TRIM49: variants seen among roughly 807,000 people sequenced by gnomAD.
The protein encoded by TRIM49 is tripartite motif containing 49, also known as tripartite motif-containing protein 49.
Under a neutral mutation model 27.4 loss-of-function variants are expected in TRIM49, and 5 were observed. The ratio of observed to expected loss-of-function variants is 0.18; its 90% confidence interval spans 0.10 to 0.38. TRIM49 has a LOEUF of 0.38. Ranked by LOEUF, TRIM49 falls within the 10% of genes least tolerant of loss-of-function variation. TRIM49 has a pLI of 1.00. For synonymous variants in TRIM49, 69 were observed against 166.0 expected (o/e 0.42, Z 4.49); for missense variants, 188 against 487.5 (o/e 0.39, Z 5.79).
the TRIM49 span, among the ~76,000 whole-genome samples, chr11:89,770,023 T>G: frequency 7.4e-6 from 1 of 134,294 alleles, no homozygotes; most frequent in Non-Finnish European, 1.5e-5. Context: ...ACAAGGAGAA[T>G]GAGGGATGAT....
chr11:89,790,431 G>C, the TRIM49 span, among the ~76,000 whole-genome samples: 1 of 151,234 alleles, frequency 6.6e-6, no homozygotes, highest in Admixed American at 6.6e-5. Context: ...CACAGAGTTT[G>C]AGATCTGAGA....
the TRIM49 span, among the ~76,000 whole-genome samples, chr11:89,770,831 A>G: frequency 6.9e-6 from 1 of 144,076 alleles, no homozygotes; most frequent in Non-Finnish European, 1.5e-5. Flanking sequence ...GCGCCACTGC[A>G]CTCCAGCCTG....
At chr11:89,806,095 T>C (rs1262696286) in intron 2 of TRIM49, among the ~76,000 whole-genome samples, 20 of 149,726 alleles carry the variant, frequency 1.3e-4, no homozygotes. Flanking sequence ...ACCTATGGTA[T>C]ACACTATAGC....
chr11:89,798,697 C>G, intron 7 of TRIM49, 68 bp from the exon 8 acceptor site: 1 of 1,391,472 alleles, frequency 7.2e-7, no homozygotes, highest in East Asian at 2.8e-5. Flanking sequence ...ATTGTTCTAT[C>G]AAGAAGTTAC....
At chr11:89,799,932 A>T in intron 6 of TRIM49, 119 bp from the exon 7 acceptor site, 2 of 1,259,534 alleles carry the variant, frequency 1.6e-6, no homozygotes, top group Non-Finnish European at 2.2e-6. Context: ...ATAATTCAAA[A>T]ATTAATCCTT....
At chr11:89,792,639 T>A in the TRIM49 span, among the ~76,000 whole-genome samples, 3 of 152,226 alleles carry the variant, frequency 2.0e-5, no homozygotes, top group Admixed American at 6.5e-5. Flanking sequence ...TGCTCCTGAA[T>A]GACTACCGGG....
downstream of TRIM49, among the ~76,000 whole-genome samples, chr11:89,794,576 T>A (rs1322002017): frequency 1.3e-5 from 2 of 150,118 alleles, no homozygotes; most frequent in Admixed American, 1.3e-4. Context: ...CCCTCAGAAA[T>A]AATGCCACAT....
In TRIM49 at chr11:89,807,721, A is replaced by C. The variant is rs66489364; in HGVS notation, c.-190-437T>G. Among the ~76,000 whole-genome samples the C allele has an allele frequency of 1.3e-3, 191 of 150,744 alleles. 3 individuals carry two copies. Among genetic ancestry groups the C allele is most frequent in the East Asian group, 4.3e-3 (22 of 5,102 alleles). The stretch of plus-strand genomic sequence containing the variant: ...TTTTTTTTGTTGAAATTTTTGGTAA[A>C]GTCAGTGTATGACTCTGTAGCCCAT... On this transcript the variant is annotated intron_variant, in intron 1 of 7. Coordinates refer to ENST00000329758, the MANE Select transcript of TRIM49 (RefSeq NM_020358.2).
intron 2 of TRIM49, among the ~76,000 whole-genome samples, chr11:89,806,003 C>T (rs555896984): frequency 4.0e-5 from 6 of 150,956 alleles, no homozygotes; most frequent in South Asian, 2.1e-4. Flanking sequence ...TCTAGGCACG[C>T]GCCACAGTGC....
chr11:89,793,121 A>G (rs1479531055), downstream of TRIM49, among the ~76,000 whole-genome samples: 1 of 152,072 alleles, frequency 6.6e-6, no homozygotes, highest in Non-Finnish European at 1.5e-5. Flanking sequence ...AAACACCTCT[A>G]TGCAAATAAA....
chr11:89,766,733 C>T, the TRIM49 span: 32 of 1,531,314 alleles, frequency 2.1e-5, 4 homozygotes, highest in Non-Finnish European at 2.6e-5. Context: ...CAACTCGGCC[C>T]AGAGGTTTCT....
At chr11:89,767,646 TG>T in the TRIM49 span, among the ~76,000 whole-genome samples, 1 of 125,298 alleles carries the variant, frequency 8.0e-6, no homozygotes, top group Non-Finnish European at 1.5e-5. Flanking sequence ...TGATCTATCC[TG>T]GAGTTCTATC....
chr11:89,768,552 G>T, the TRIM49 span, among the ~76,000 whole-genome samples: 1 of 135,556 alleles, frequency 7.4e-6, no homozygotes, highest in Non-Finnish European at 1.5e-5. Flanking sequence ...AGAGGCAATT[G>T]TATTCTAGCA....
chr11:89,782,128 C>T, the TRIM49 span: 24 of 1,551,260 alleles, frequency 1.5e-5, no homozygotes, highest in Middle Eastern at 3.3e-4. Context: ...ATACCAATAT[C>T]GTTATTGATT....
chr11:89,772,792 AT>A, the TRIM49 span, among the ~76,000 whole-genome samples: 1 of 131,470 alleles, frequency 7.6e-6, no homozygotes, highest in Non-Finnish European at 1.5e-5. Flanking sequence ...TGTGAATTCT[AT>A]TAATCTTTTT....
chr11:89,784,624 CT>C, the TRIM49 span, among the ~76,000 whole-genome samples: 3 of 140,202 alleles, frequency 2.1e-5, 1 homozygote, highest in Non-Finnish European at 4.5e-5. Context: ...CCCAGCACTC[CT>C]TTTTTTGATT....
At chr11:89,777,731 A>G in the TRIM49 span, among the ~76,000 whole-genome samples, 1 of 149,082 alleles carries the variant, frequency 6.7e-6, no homozygotes, top group Admixed American at 6.6e-5. Context: ...GTCCCTTAAA[A>G]CTCTCTATTA....
the TRIM49 span, chr11:89,777,417 A>C: frequency 1.3e-6 from 2 of 1,534,864 alleles, no homozygotes; most frequent in African/African-American, 2.8e-5. Context: ...AGTTTGAATT[A>C]TACAGAATCC....
chr11:89,793,216 G>T (rs1949666997), downstream of TRIM49, among the ~76,000 whole-genome samples: 1 of 152,070 alleles, frequency 6.6e-6, no homozygotes, highest in Admixed American at 6.5e-5. Context: ...ATCAATAACA[G>T]GCTCTGAAAT....
Sources: allele counts gnomAD v4.1 joint callset (sites outside exome capture counted in the v4.1 genomes callset), GRCh38; gene constraint gnomAD v4.1.1; transcripts MANE v1.5; gene names NCBI Gene and HGNC (gene_info 2026-07-23, HGNC 2026-07-21).